ARHGAP42: variants seen among roughly 807,000 people sequenced by gnomAD.
ARHGAP42 encodes rho GTPase-activating protein 42.
ARHGAP42 carries 63 observed loss-of-function variants against 125.0 expected under a neutral mutation model. The ratio of observed to expected loss-of-function variants is 0.50; its 90% CI spans 0.41 to 0.62. ARHGAP42 has a LOEUF of 0.62. ARHGAP42 is among the 20% of genes least tolerant of loss of function. The pLI is 0.00. For missense variants in ARHGAP42, 766 were observed against 1,024.2 expected (o/e 0.75, Z 3.44); for synonymous variants, 339 against 351.0 (o/e 0.97, Z 0.38).
At chr11:100,848,076 G>A (rs1865112035) in intron 3 of ARHGAP42, among the ~76,000 whole-genome samples, 1 of 152,108 alleles carries the variant, frequency 6.6e-6, no homozygotes, top group Non-Finnish European at 1.5e-5. Context: ...ATAACACCTA[G>A]GTGCTCTCAT....
intron 1 of ARHGAP42, among the ~76,000 whole-genome samples, chr11:100,758,243 T>C (rs1243402623): frequency 6.6e-6 from 1 of 152,238 alleles, no homozygotes; most frequent in Non-Finnish European, 1.5e-5. Context: ...CTTGTTTCTT[T>C]GCTTGGGTAA....
chr11:100,924,098 G>T (rs548207755), intron 6 of ARHGAP42, among the ~76,000 whole-genome samples: 7 of 152,182 alleles, frequency 4.6e-5, no homozygotes, highest in African/African-American at 1.4e-4. Flanking sequence ...TTGCATTGCT[G>T]TTGCATGTTG....
At chr11:100,951,743 A>C (rs1857655571) in intron 12 of ARHGAP42, among the ~76,000 whole-genome samples, 1 of 152,176 alleles carries the variant, frequency 6.6e-6, no homozygotes, top group East Asian at 1.9e-4. Flanking sequence ...AGCCACCAGA[A>C]ACATCACTGT....
chr11:100,919,965 G>A (rs1400811710), intron 5 of ARHGAP42, among the ~76,000 whole-genome samples: 1 of 152,134 alleles, frequency 6.6e-6, no homozygotes, highest in East Asian at 1.9e-4. Context: ...ACAGCCAGTT[G>A]TTAAACATTT....
At chr11:100,930,194 C>T (rs12419150) in intron 6 of ARHGAP42, among the ~76,000 whole-genome samples, 7,004 of 152,224 alleles carry the variant, frequency 0.046, 309 homozygotes, top group East Asian at 0.25. Context: ...CATAGTTTTT[C>T]CCTCACATCC....
chr11:100,748,378 C>CGACTGTCCTGAAGG (rs112896258), intron 1 of ARHGAP42, among the ~76,000 whole-genome samples: 2,090 of 152,226 alleles, frequency 0.014, 41 homozygotes, highest in African/African-American at 0.045. Flanking sequence ...CTCAATCACC[C>CGACTGTCCTGAAGG]GACTGTCCTG....
intron 4 of ARHGAP42, among the ~76,000 whole-genome samples, chr11:100,903,268 C>A (rs992670238): frequency 6.6e-6 from 1 of 151,334 alleles, no homozygotes; most frequent in African/African-American, 2.4e-5. Context: ...ATTGCTTTTA[C>A]CTTAGGAATA....
At chr11:100,938,275 C>G (rs1372907505) in intron 8 of ARHGAP42, among the ~76,000 whole-genome samples, 1 of 152,106 alleles carries the variant, frequency 6.6e-6, no homozygotes, top group Non-Finnish European at 1.5e-5. Flanking sequence ...CCCTTTACCT[C>G]CAGGCTTGCC....
intron 3 of ARHGAP42, among the ~76,000 whole-genome samples, chr11:100,858,117 G>GTGTGTGTGTGTGTT (rs33909850): frequency 0.031 from 4,211 of 134,510 alleles, 57 homozygotes; most frequent in East Asian, 0.052. Flanking sequence ...GTGTGTGTGT[G>GTGTGTGTGTGTGTT]TGTGTGTTTA....
chr11:100,767,400 A>G (rs1380020588), intron 1 of ARHGAP42, among the ~76,000 whole-genome samples: 1 of 152,174 alleles, frequency 6.6e-6, no homozygotes, highest in Non-Finnish European at 1.5e-5. Context: ...CAGCACTCAT[A>G]CTCAGTAACT....
At chr11:100,777,625 A>G (rs553052045) in intron 2 of ARHGAP42, among the ~76,000 whole-genome samples, 3 of 152,242 alleles carry the variant, frequency 2.0e-5, no homozygotes, top group Non-Finnish European at 2.9e-5. Context: ...GGATTCCTCT[A>G]TAGTGTAGAA....
At chr11:100,774,067 C>T (rs1565208189) in intron 2 of ARHGAP42, among the ~76,000 whole-genome samples, 1 of 152,098 alleles carries the variant, frequency 6.6e-6, no homozygotes, top group Non-Finnish European at 1.5e-5. Context: ...TTTCAATATC[C>T]TATTCAACAC....
chr11:100,800,468 C>T (rs1477995966), intron 3 of ARHGAP42, among the ~76,000 whole-genome samples: 1 of 152,048 alleles, frequency 6.6e-6, no homozygotes, highest in Non-Finnish European at 1.5e-5. Flanking sequence ...GAAAGCTGAG[C>T]TCAGAGATTT....
chr11:100,863,079 C>CACACACACA (rs112234347), intron 4 of ARHGAP42, among the ~76,000 whole-genome samples: 4 of 110,444 alleles, frequency 3.6e-5, no homozygotes, highest in African/African-American at 1.2e-4. Context: ...CACACACACA[C>CACACACACA]ACAACAACAA....
chr11:100,944,169 A>T (rs988819810), intron 10 of ARHGAP42, among the ~76,000 whole-genome samples: 1 of 152,018 alleles, frequency 6.6e-6, no homozygotes, highest in African/African-American at 2.4e-5. Context: ...AAGGAATCCA[A>T]TGGCATATTT....
chr11:100,826,475 C>T (rs1168087270), intron 3 of ARHGAP42, among the ~76,000 whole-genome samples: 1 of 152,142 alleles, frequency 6.6e-6, no homozygotes, highest in Non-Finnish European at 1.5e-5. Flanking sequence ...TAATACATTT[C>T]AAGACTATAC....
intron 1 of ARHGAP42, among the ~76,000 whole-genome samples, chr11:100,748,142 A>C (rs1323653082): frequency 2.0e-5 from 3 of 152,172 alleles, no homozygotes; most frequent in Non-Finnish European, 4.4e-5. Context: ...AAAACCTTGT[A>C]AGTTTGGGAT....
At chr11:100,946,440 G>A (rs1868020187) in intron 10 of ARHGAP42, among the ~76,000 whole-genome samples, 1 of 152,010 alleles carries the variant, frequency 6.6e-6, no homozygotes. Flanking sequence ...AGGCTATCTT[G>A]GGTTTCAACA....
chr11:100,920,054 A>C (rs969419845), intron 5 of ARHGAP42, among the ~76,000 whole-genome samples: 2 of 152,234 alleles, frequency 1.3e-5, no homozygotes, highest in Admixed American at 1.3e-4. Context: ...GTAAGAAGAA[A>C]AGAAACATGA....
Sources: allele counts gnomAD v4.1 joint callset (sites outside exome capture counted in the v4.1 genomes callset), GRCh38; gene constraint gnomAD v4.1.1; transcripts MANE v1.5; gene names NCBI Gene and HGNC (gene_info 2026-07-23, HGNC 2026-07-21).